Variants in SMYD3 observed in about 807,000 individuals in gnomAD.
The protein encoded by SMYD3 is histone-lysine N-methyltransferase SMYD3.
A neutral mutation model predicts 57.7 loss-of-function variants in SMYD3; 36 were observed. That is an observed-to-expected ratio of 0.62 (90% CI 0.48 to 0.82). The LOEUF is 0.82. Among genes scored for constraint, SMYD3 ranks in the 40% least tolerant of loss-of-function variants. The probability of loss-of-function intolerance (pLI) is 0.00; values close to 1 mark genes in which losing one functional copy is unlikely to be tolerated. For missense variants in SMYD3, 515 were observed against 538.8 expected (o/e 0.96, Z 0.44); for synonymous variants, 211 against 195.0 (o/e 1.08, Z -0.68).
chr1:245,834,468 C>T (rs545647505), intron 10 of SMYD3, among the ~76,000 whole-genome samples: 7 of 152,292 alleles, frequency 4.6e-5, no homozygotes, highest in African/African-American at 1.7e-4. Flanking sequence ...CTCACCCCAG[C>T]CCCCTACTAA....
chr1:246,491,411 A>G (rs10924743), intron 1 of SMYD3, among the ~76,000 whole-genome samples: 16,097 of 152,010 alleles, frequency 0.11, 2,137 homozygotes, highest in African/African-American at 0.31. Flanking sequence ...ATGGTAGCGG[A>G]CACCGGTAAT....
At chr1:246,142,977 C>G (rs1263153733) in intron 5 of SMYD3, among the ~76,000 whole-genome samples, 2 of 152,150 alleles carry the variant, frequency 1.3e-5, no homozygotes, top group Admixed American at 6.5e-5. Context: ...TGCAACCAGC[C>G]TCTCTTAATT....
intron 5 of SMYD3, among the ~76,000 whole-genome samples, chr1:246,289,971 A>C (rs1382427028): frequency 6.6e-6 from 1 of 152,198 alleles, no homozygotes; most frequent in African/African-American, 2.4e-5. Flanking sequence ...TGAGGAAAAA[A>C]CTATCATAAC....
At chr1:246,367,829 G>C (rs2066132291) in intron 1 of SMYD3, among the ~76,000 whole-genome samples, 1 of 152,016 alleles carries the variant, frequency 6.6e-6, no homozygotes, top group Non-Finnish European at 1.5e-5. Flanking sequence ...TATTAGCATT[G>C]TACCACCAAA....
intron 5 of SMYD3, among the ~76,000 whole-genome samples, chr1:246,141,069 T>A (rs1386043900): frequency 6.6e-6 from 1 of 152,222 alleles, no homozygotes; most frequent in Non-Finnish European, 1.5e-5. Context: ...TCAGGTGACC[T>A]ATCCGTTCAA....
In SMYD3 at chr1:245,890,672, C is replaced by T. The variant is rs113466821; in HGVS notation, c.813+24858G>A. On this transcript the variant is annotated intron_variant, in intron 8 of 11. Coordinates refer to ENST00000490107, the MANE Select transcript of SMYD3 (RefSeq NM_001167740.2). ...TATGGAAAACTGTATGAAGGGTCCT[C>T]GAAAAACTAAAATAGAACTACCATT... 3.4e-3 allele frequency among the ~76,000 whole-genome samples: 511 copies of T among 152,216 alleles called. 4 individuals carry two copies. The highest frequency in any genetic ancestry group is 0.012 in the African/African-American group (486 of 41,538).
intron 1 of SMYD3, among the ~76,000 whole-genome samples, chr1:246,384,508 G>T (rs2066439826): frequency 6.6e-6 from 1 of 151,912 alleles, no homozygotes; most frequent in African/African-American, 2.4e-5. Context: ...CAATTCTCCT[G>T]CCTCAGCCTC....
chr1:246,142,396 C>G (rs1428872718), intron 5 of SMYD3, among the ~76,000 whole-genome samples: 2 of 151,958 alleles, frequency 1.3e-5, no homozygotes, highest in African/African-American at 2.4e-5. Context: ...CACCTTTTCA[C>G]TGAAGGAAGC....
chr1:246,251,156 G>A lies in SMYD3; in HGVS notation c.531+76045C>T, dbSNP rs565315500. 2.0e-5 allele frequency among the ~76,000 whole-genome samples: 3 copies of A among 152,308 alleles called. No homozygotes were observed. In the East Asian group the frequency reaches 5.8e-4, roughly 29 times the overall value. On this transcript the variant is annotated intron_variant, in intron 5 of 11. Transcript: ENST00000490107. ...AGACAGAACCAACATTGATTTGACT[G>A]GGTGAAAAAGTCCATTTGAGTTGGG...
At chr1:246,069,970 C>G (rs1426249666) in intron 5 of SMYD3, among the ~76,000 whole-genome samples, 1 of 152,294 alleles carries the variant, frequency 6.6e-6, no homozygotes, top group East Asian at 1.9e-4. Flanking sequence ...CCTTCCCTCT[C>G]CCCGTCAATG....
intron 8 of SMYD3, among the ~76,000 whole-genome samples, chr1:245,893,062 T>G (rs1306909268): frequency 6.6e-6 from 1 of 152,124 alleles, no homozygotes; most frequent in Non-Finnish European, 1.5e-5. Context: ...GCAAAAGATT[T>G]GAACAGATAT....
At chr1:246,021,310 G>C (rs1305360683) in intron 5 of SMYD3, among the ~76,000 whole-genome samples, 2 of 152,160 alleles carry the variant, frequency 1.3e-5, no homozygotes, top group South Asian at 4.1e-4. Context: ...ATGTCTTTTT[G>C]TTTGAGTACA....
intron 2 of SMYD3, among the ~76,000 whole-genome samples, chr1:246,336,976 A>G (rs991051084): frequency 6.6e-6 from 1 of 152,198 alleles, no homozygotes; most frequent in Non-Finnish European, 1.5e-5. Context: ...CACAGGAGGG[A>G]TTTATTCCAA....
In SMYD3 at chr1:246,273,868, C is replaced by T. The variant is rs567662167; in HGVS notation, c.531+53333G>A. Among the ~76,000 whole-genome samples the T allele has an allele frequency of 2.6e-5, 4 of 152,214 alleles. No homozygotes were observed. The South Asian group carries it at 6.2e-4, about 24-fold the overall frequency. On this transcript the variant is annotated intron_variant, in intron 5 of 11. Coordinates refer to ENST00000490107, the MANE Select transcript of SMYD3 (RefSeq NM_001167740.2). ...CTGGGATTACAGGCGTGAACCACTG[C>T]GCCCGGCCACTAATCTCTCCTATTG...
chr1:245,783,476 A>C (rs2046912988), intron 10 of SMYD3, among the ~76,000 whole-genome samples: 1 of 152,194 alleles, frequency 6.6e-6, no homozygotes, highest in Non-Finnish European at 1.5e-5. Context: ...TTTCACACTA[A>C]AATGGGAGAA....
chr1:246,300,727 G>A (rs904141849), intron 5 of SMYD3, among the ~76,000 whole-genome samples: 2 of 152,044 alleles, frequency 1.3e-5, no homozygotes, highest in African/African-American at 2.4e-5. Flanking sequence ...GATAATAATA[G>A]TACGTACCCC....
At chr1:246,186,701 G>C (rs2062647314) in intron 5 of SMYD3, 1 of 963,926 alleles carries the variant, frequency 1.0e-6, no homozygotes, top group South Asian at 4.8e-5. Flanking sequence ...CACTGTCAAT[G>C]TCCACAGCAC....
intron 5 of SMYD3, among the ~76,000 whole-genome samples, chr1:245,945,981 A>C (rs139300141): frequency 1.3e-5 from 2 of 152,298 alleles, no homozygotes; most frequent in Admixed American, 1.3e-4. Context: ...GGGCGGAAGA[A>C]CATCAGCATA....
In SMYD3 at chr1:245,842,013, C is replaced by T. The variant is rs57793785; in HGVS notation, c.1076+16483G>A. Among the ~76,000 whole-genome samples, 506 of 152,280 alleles carry T rather than the reference C, an allele frequency of 3.3e-3. 1 individual carries two copies. The highest frequency in any genetic ancestry group is 0.012 in the African/African-American group (488 of 41,552). The stretch of plus-strand genomic sequence containing the variant: ...TACACAAATACCTGCCACTGTGTTA[C>T]AACTGGCTACAGCATTCAGTACAAT... On this transcript the variant is annotated intron_variant, in intron 10 of 11. Coordinates refer to ENST00000490107, the MANE Select transcript of SMYD3 (RefSeq NM_001167740.2).
Sources: allele counts gnomAD v4.1 joint callset (sites outside exome capture counted in the v4.1 genomes callset), GRCh38; gene constraint gnomAD v4.1.1; transcripts MANE v1.5; gene names NCBI Gene and HGNC (gene_info 2026-07-23, HGNC 2026-07-21).